CALD1: variants seen among roughly 807,000 people sequenced by gnomAD.
CALD1 encodes caldesmon.
Under a neutral mutation model 99.9 loss-of-function variants are expected in CALD1, and 33 were observed. That is an observed-to-expected ratio of 0.33 (90% CI 0.25 to 0.44). CALD1 has a LOEUF of 0.44. Ranked by LOEUF, CALD1 falls within the 20% of genes least tolerant of loss-of-function variation. The pLI, the probability that CALD1 is intolerant of heterozygous loss-of-function variation, is 1.00. For missense variants in CALD1, 861 were observed against 962.1 expected (o/e 0.89, Z 1.39); for synonymous variants, 310 against 325.0 (o/e 0.95, Z 0.50).
chr7:134,808,599 C>T (rs1459946614), intron 1 of CALD1, among the ~76,000 whole-genome samples: 1 of 152,194 alleles, frequency 6.6e-6, no homozygotes, highest in Non-Finnish European at 1.5e-5. Flanking sequence ...CTGGGTTTGT[C>T]AGATTTCTTA....
intron 3 of CALD1, among the ~76,000 whole-genome samples, chr7:134,903,925 A>G (rs908971389): frequency 6.6e-6 from 1 of 152,088 alleles, no homozygotes; most frequent in African/African-American, 2.4e-5. Flanking sequence ...TTAATCCATA[A>G]GCAATAAGTG....
chr7:134,947,180 G>T (rs1249517279), intron 7 of CALD1, among the ~76,000 whole-genome samples: 7 of 152,196 alleles, frequency 4.6e-5, no homozygotes, highest in African/African-American at 1.7e-4. Context: ...TATCAGAAGT[G>T]GGATTGCTGG....
chr7:134,940,053 C>T (rs1243508582), intron 6 of CALD1, among the ~76,000 whole-genome samples: 1 of 152,114 alleles, frequency 6.6e-6, no homozygotes, highest in Non-Finnish European at 1.5e-5. Context: ...CAGGATAGAA[C>T]CTCCTAGGCC....
intron 9 of CALD1, among the ~76,000 whole-genome samples, chr7:134,956,119 C>CGT (rs1807752078): frequency 1.3e-4 from 5 of 37,116 alleles, no homozygotes; most frequent in African/African-American, 7.3e-4. Context: ...TACTTTTTTG[C>CGT]ATAGTTTTTT....
At chr7:134,727,729 T>C in the CALD1 span, among the ~76,000 whole-genome samples, 1 of 152,190 alleles carries the variant, frequency 6.6e-6, no homozygotes, top group Non-Finnish European at 1.5e-5. Context: ...AAAACTGGCC[T>C]GTCTGGGGGT....
chr7:134,863,866 A>C (rs1800674120), intron 2 of CALD1, among the ~76,000 whole-genome samples: 1 of 152,156 alleles, frequency 6.6e-6, no homozygotes, highest in African/African-American at 2.4e-5. Flanking sequence ...AGAAAGAGAA[A>C]ATTTTTTTTA....
upstream of CALD1, among the ~76,000 whole-genome samples, chr7:134,775,021 C>T (rs572154658): frequency 9.4e-6 from 1 of 106,566 alleles, no homozygotes. Flanking sequence ...TGTTATATAC[C>T]CTATGATAAA....
At chr7:134,842,013 G>A (rs1292466770) in intron 1 of CALD1, among the ~76,000 whole-genome samples, 1 of 152,048 alleles carries the variant, frequency 6.6e-6, no homozygotes, top group Non-Finnish European at 1.5e-5. Context: ...CAACCTCCAG[G>A]GACCCTCAGT....
intron 3 of CALD1, among the ~76,000 whole-genome samples, chr7:134,894,865 G>A (rs1209034345): frequency 6.6e-6 from 1 of 151,998 alleles, no homozygotes; most frequent in African/African-American, 2.4e-5. Flanking sequence ...ACAAGATTTG[G>A]GGTTTCCTGT....
chr7:134,797,872 G>A (rs932632952), intron 1 of CALD1, among the ~76,000 whole-genome samples: 2 of 152,152 alleles, frequency 1.3e-5, no homozygotes, highest in Admixed American at 1.3e-4. Context: ...GATTACAGGC[G>A]TGAGCCACCA....
intron 1 of CALD1, among the ~76,000 whole-genome samples, chr7:134,832,647 TTTTTC>T (rs1161970016): frequency 6.6e-6 from 1 of 152,106 alleles, no homozygotes; most frequent in Non-Finnish European, 1.5e-5. Flanking sequence ...CATATCTGAG[TTTTTC>T]TTTTAAGCCA....
At chr7:134,875,904 G>A (rs892738765) in intron 3 of CALD1, among the ~76,000 whole-genome samples, 1 of 152,184 alleles carries the variant, frequency 6.6e-6, no homozygotes, top group East Asian at 1.9e-4. Context: ...CCCTGCTTAA[G>A]GCAAAGAAGG....
chr7:134,888,811 C>T (rs781730814), intron 3 of CALD1, among the ~76,000 whole-genome samples: 49 of 152,292 alleles, frequency 3.2e-4, no homozygotes, highest in Admixed American at 2.0e-3. Flanking sequence ...AAGGAGGGTG[C>T]GCGCTGTTTC....
At position 134,960,636 on chromosome 7, in the gene CALD1, C is replaced by A; in HGVS notation, c.2295+8C>A. On this transcript the variant is annotated splice_region_variant and intron_variant, in intron 13 of 14. Transcript: ENST00000361675. ...CCTGCTCCCAAACCTTCTGTAAGTA[C>A]CTTTAGGTTTTTCTGAGTTTCTTTG... 6.4e-7 allele frequency: 1 copy of A among 1,572,458 alleles called. No individual in the cohort carries two copies. The highest frequency in any genetic ancestry group is 8.7e-7 in the Non-Finnish European group (1 of 1,143,282).
intron 1 of CALD1, among the ~76,000 whole-genome samples, chr7:134,816,467 C>T (rs17168061): frequency 0.044 from 6,712 of 152,214 alleles, 479 homozygotes; most frequent in African/African-American, 0.15. Flanking sequence ...TTAAAAGCTA[C>T]CCCAAAATAT....
rs747869519 is a variant in CALD1 at position 134,965,290 on chromosome 7, G to C, written c.2296-16G>C. ...AATGGCCACCTATCGATGTTTTTCTGCTTCCTTTTTATCAGGACTTGAGAC... is the reference window on the plus strand; with the variant it reads ...AATGGCCACCTATCGATGTTTTTCTCCTTCCTTTTTATCAGGACTTGAGAC... On this transcript the variant is annotated splice_polypyrimidine_tract_variant and intron_variant, in intron 13 of 14. Coordinates refer to ENST00000361675, the MANE Select transcript of CALD1 (RefSeq NM_033138.4). 5 of 1,417,084 alleles carry C rather than the reference G, an allele frequency of 3.5e-6. No homozygotes were observed. The allele number at this position is 1,417,084 out of a possible 1,614,324, so 87.8% of individuals were successfully genotyped here.
At chr7:134,965,253 C>T in intron 13 of CALD1, 53 bp from the exon 14 acceptor site, 1 of 863,930 alleles carries the variant, frequency 1.2e-6, no homozygotes, top group Non-Finnish European at 2.0e-6. Context: ...TTAGAGCTGG[C>T]TAGAAAATAT....
At chr7:134,802,120 ATATATG>A (rs1220699763) in intron 1 of CALD1, among the ~76,000 whole-genome samples, 13 of 152,126 alleles carry the variant, frequency 8.5e-5, no homozygotes, top group Non-Finnish European at 1.6e-4. Flanking sequence ...GTATATATAT[ATATATG>A]TATGTCTATA....
At chr7:134,872,167 G>A (rs1210503636) in intron 3 of CALD1, among the ~76,000 whole-genome samples, 1 of 152,098 alleles carries the variant, frequency 6.6e-6, no homozygotes, top group Non-Finnish European at 1.5e-5. Flanking sequence ...GACCACCCTG[G>A]CCAACATGGA....
Sources: gnomAD v4.1 joint callset for allele counts (sites outside exome capture counted in the v4.1 genomes callset) on GRCh38, gnomAD v4.1.1 for gene constraint, MANE v1.5 for transcripts, NCBI Gene and HGNC (gene_info 2026-07-23, HGNC 2026-07-21) for gene names.